The following OR5AC2 variants were observed in gnomAD, a reference collection of about 807,000 sequenced individuals.
OR5AC2 encodes the protein olfactory receptor family 5 subfamily AC member 2.
For synonymous variants in OR5AC2, 172 were observed against 136.3 expected, an observed-to-expected ratio of 1.26 and a Z score of -1.82; for missense variants, 448 against 375.3, an observed-to-expected ratio of 1.19 and a Z score of -1.60.
At position 98,087,794 on chromosome 3, in the gene OR5AC2, A is replaced by G; in HGVS notation, c.622A>G (p.Ile208Val). The change falls in exon 1 of 1, where the codon ATA becomes GTA. Residue 208 changes from isoleucine (I) to valine (V), a missense_variant. Coordinates refer to ENST00000358642, the MANE Select transcript of OR5AC2 (RefSeq NM_054106.1). ...AATGATATTTATTTTTGGTGCTTTT[A>G]TACAAATACCCACTTTAATGACTAT... Reference protein sequence around the residue: ...ALMIFIFGAFIQIPTLMTIII... With the variant: ...ALMIFIFGAFVQIPTLMTIII... 1 of 1,608,388 alleles carries G rather than the reference A, an allele frequency of 6.2e-7. No homozygotes were observed.
Position 98,087,461 on chromosome 3 carries a change from G to A in OR5AC2, c.289G>A (p.Ala97Thr), listed in dbSNP as rs76749982. 1.9e-6 allele frequency: 3 copies of A among 1,614,104 alleles called. No individual in the cohort carries two copies. The highest frequency in any genetic ancestry group is 1.7e-5 in the Admixed American group (1 of 60,018). Residue 97 changes from alanine (A) to threonine (T), a missense_variant, in exon 1 of 1, where the codon GCT (alanine) becomes ACT (threonine). Coordinates refer to ENST00000358642, the MANE Select transcript of OR5AC2 (RefSeq NM_054106.1). Reference protein sequence around the residue: ...FLDKTAMISLAECITQFYFFA... With the variant: ...FLDKTAMISLTECITQFYFFA... ...AGACAAGACTGCAATGATATCCCTA[G>A]CTGAGTGCATCACCCAGTTTTACTT...
rs200290395 is a variant in OR5AC2, at chr3:98,087,837, G to A, written c.665G>A (p.Arg222His). Residue 222 changes from arginine (R) to histidine (H), a missense_variant, in exon 1 of 1, where the codon CGT becomes CAT. By Grantham distance (29) the Arg-to-His change is conservative. Coordinates refer to ENST00000358642, the MANE Select transcript of OR5AC2 (RefSeq NM_054106.1). Reference sequence around the variant, plus strand: ...ATGACTATCATAATCTCTTATACTCGTGTGCTCTTTGATATTCTGAAAAAA... The same window carrying A: ...ATGACTATCATAATCTCTTATACTCATGTGCTCTTTGATATTCTGAAAAAA... ...TLMTIIISYT[R>H]VLFDILKKKS... 6 of 1,611,110 alleles carry A rather than the reference G, an allele frequency of 3.7e-6. No homozygotes were observed. The African/African-American group carries it at 4.0e-5, about 11-fold the overall frequency.
rs768231614 is a variant in OR5AC2 at position 98,087,632 on chromosome 3, G to T, written c.460G>T (p.Gly154Cys). ...GTTGCTAAGTATTTCATATGTAATTGGTTTCCTGCATCCTCTGGTTCATGT... is the reference window on the plus strand; with the variant it reads ...GTTGCTAAGTATTTCATATGTAATTTGTTTCCTGCATCCTCTGGTTCATGT... ...AQLLSISYVI[G>C]FLHPLVHVSL... is the part of the protein sequence containing the mutation. Residue 154 changes from glycine (G) to cysteine (C), a missense_variant, in exon 1 of 1, where the codon GGT becomes TGT. Transcript: ENST00000358642. 1 of 1,613,562 alleles carries T rather than the reference G, an allele frequency of 6.2e-7. No individual in the cohort carries two copies. Among genetic ancestry groups the T allele is most frequent in the African/African-American group, 1.3e-5 (1 of 74,992 alleles).
rs750676391 is a variant in OR5AC2, at chr3:98,087,526, G to A, written c.354G>A (p.Val118=). Residue 118 remains valine (V), a synonymous_variant, in exon 1 of 1, where the codon GTG becomes GTA. Coordinates refer to ENST00000358642, the MANE Select transcript of OR5AC2 (RefSeq NM_054106.1). ...SSATTECFLL[V]MMAYDRYVAI... Reference sequence around the variant, plus strand: ...CAACTACAGAATGCTTCCTCCTGGTGATGATGGCCTATGACCGCTATGTAG... The same window carrying A: ...CAACTACAGAATGCTTCCTCCTGGTAATGATGGCCTATGACCGCTATGTAG... 6.2e-7 allele frequency: 1 copy of A among 1,614,138 alleles called. No individual in the cohort carries two copies. The highest frequency in any genetic ancestry group is 8.5e-7 in the Non-Finnish European group (1 of 1,180,036).
rs772571623 is a variant in OR5AC2, at chr3:98,087,706, T to C, written c.534T>C (p.Tyr178=). Residue 178 remains tyrosine, a synonymous_variant, in exon 1 of 1, where the codon TAT becomes TAC. Coordinates refer to ENST00000358642, the MANE Select transcript of OR5AC2 (RefSeq NM_054106.1). ...LTFCRFNIIH[Y]FYCEILQLFK... ...TCTGCAGGTTTAACATAATACATTA[T>C]TTCTACTGTGAAATTTTACAACTGT... The C allele has an allele frequency of 6.2e-7, 1 of 1,612,834 alleles. No individual in the cohort carries two copies. Among genetic ancestry groups the C allele is most frequent in the Non-Finnish European group, 8.5e-7 (1 of 1,179,908 alleles).
Position 98,087,780 on chromosome 3 carries a change from T to C in OR5AC2, c.608T>C (p.Ile203Thr). Residue 203 changes from isoleucine to threonine, a missense_variant, in exon 1 of 1, where the codon ATT (isoleucine) becomes ACT (threonine). Ile to Thr is a moderately conservative substitution (Grantham distance 89). Coordinates refer to ENST00000358642, the MANE Select transcript of OR5AC2 (RefSeq NM_054106.1). ...GPSINALMIFIFGAFIQIPTL... is the reference protein window; with the variant it reads ...GPSINALMIFTFGAFIQIPTL... ...TCTATTAACGCACTAATGATATTTA[T>C]TTTTGGTGCTTTTATACAAATACCC... 6.2e-7 allele frequency: 1 copy of C among 1,606,822 alleles called. No homozygotes were observed. The highest frequency in any genetic ancestry group is 8.5e-7 in the Non-Finnish European group (1 of 1,174,570).
rs1707785477 is a variant in OR5AC2 at position 98,087,992 on chromosome 3, A to G, written c.820A>G (p.Lys274Glu). 3 of 1,614,114 alleles carry G rather than the reference A, an allele frequency of 1.9e-6. No homozygotes were observed. The highest frequency in any genetic ancestry group is 2.5e-6 in the Non-Finnish European group (3 of 1,179,946). Residue 274 changes from lysine to glutamate, a missense_variant, in exon 1 of 1, where the codon AAA (lysine) becomes GAA (glutamate). Lys to Glu is a moderately conservative substitution (Grantham distance 56, BLOSUM62 1). Transcript: ENST00000358642. ...PASGLAEDQD[K>E]VYSLFYTIII... is the part of the protein sequence containing the mutation. ...ATCTGGCTTAGCTGAAGACCAAGAC[A>G]AAGTGTATTCTCTGTTTTACACGAT...
Position 98,087,707 on chromosome 3 carries a change from T to C in OR5AC2, c.535T>C (p.Phe179Leu), listed in dbSNP as rs773858170. 2.2e-5 allele frequency: 35 copies of C among 1,612,784 alleles called. No homozygotes were observed. The highest frequency in any genetic ancestry group is 2.3e-5 in the Non-Finnish European group (27 of 1,179,878). ...CTGCAGGTTTAACATAATACATTAT[T>C]TCTACTGTGAAATTTTACAACTGTT... ...TFCRFNIIHY[F>L]YCEILQLFKI... Residue 179 changes from phenylalanine to leucine, a missense_variant, in exon 1 of 1, where the codon TTC becomes CTC. Physicochemically the swap from Phe to Leu is conservative, Grantham distance 22. Transcript: ENST00000358642.
In OR5AC2 at chr3:98,087,933, A is replaced by G. The variant is rs749511694; in HGVS notation, c.761A>G (p.Tyr254Cys). 4 of 1,614,148 alleles carry G rather than the reference A, an allele frequency of 2.5e-6. No individual in the cohort carries two copies. In the South Asian group the frequency reaches 4.4e-5, roughly 18 times the overall value. Residue 254 changes from tyrosine (Y) to cysteine (C), a missense_variant, in exon 1 of 1, where the codon TAC becomes TGC. Transcript: ENST00000358642. ...GAHLLSVSLYYGTLIFMYVRP... is the reference protein window; with the variant it reads ...GAHLLSVSLYCGTLIFMYVRP... ...CATCTGCTTTCTGTCTCATTGTACT[A>G]CGGAACTCTGATCTTCATGTATGTG...
At position 98,087,298 on chromosome 3, in the gene OR5AC2, G is replaced by T. The variant is rs201544209; in HGVS notation, c.126G>T (p.Val42=). The T allele has an allele frequency of 1.2e-6, 2 of 1,614,054 alleles. No individual in the cohort carries two copies. The highest frequency in any genetic ancestry group is 4.5e-5 in the East Asian group (2 of 44,876). ...TGGTGGTCTATCTCATCACCATGGT[G>T]GGCAACCTTGGACTGATAGTTCTAA... ...VFLVVYLITM[V]GNLGLIVLIW... is the part of the protein sequence containing the mutation. Residue 42 remains valine (V), a synonymous_variant, in exon 1 of 1, where the codon GTG becomes GTT. Transcript: ENST00000358642.
rs991841707 is a variant in OR5AC2 at position 98,087,729 on chromosome 3, T to C, written c.557T>C (p.Leu186Pro). The C allele has an allele frequency of 6.2e-7, 1 of 1,612,124 alleles. No individual in the cohort carries two copies. The highest frequency in any genetic ancestry group is 8.5e-7 in the Non-Finnish European group (1 of 1,179,038). ...TATTTCTACTGTGAAATTTTACAAC[T>C]GTTCAAAATTTCATGCAATGGTCCA... ...IHYFYCEILQ[L>P]FKISCNGPSI... Residue 186 changes from leucine to proline, a missense_variant, in exon 1 of 1, where the codon CTG becomes CCG. Leu to Pro is a moderately conservative substitution (Grantham distance 98, BLOSUM62 -3). Coordinates refer to ENST00000358642, the MANE Select transcript of OR5AC2 (RefSeq NM_054106.1).
rs1707769415 is a variant in OR5AC2, at chr3:98,087,202, T to C, written c.30T>C (p.Leu10=). 3.7e-6 allele frequency: 6 copies of C among 1,611,816 alleles called. No homozygotes were observed. Residue 10 remains leucine, a synonymous_variant, in exon 1 of 1, where the codon CTT becomes CTC. Coordinates refer to ENST00000358642, the MANE Select transcript of OR5AC2 (RefSeq NM_054106.1). Reference sequence around the variant, plus strand: ...ATATATCAGAGGGAAATAAGACTCTTGTGACAGAGTTTGTTCTCACAGGAC... The same window carrying C: ...ATATATCAGAGGGAAATAAGACTCTCGTGACAGAGTTTGTTCTCACAGGAC... MDISEGNKT[L]VTEFVLTGLT... is the part of the protein sequence containing the mutation.
Position 98,087,899 on chromosome 3 carries a change from T to C in OR5AC2, c.727T>C (p.Cys243Arg), listed in dbSNP as rs759336391. ...EKGRSKAFSTCGAHLLSVSLY... is the reference protein window; with the variant it reads ...EKGRSKAFSTRGAHLLSVSLY... ...GGGCAGAAGCAAAGCCTTCTCCACA[T>C]GCGGCGCCCATCTGCTTTCTGTCTC... The change falls in exon 1 of 1, where the codon TGC becomes CGC. Residue 243 changes from cysteine to arginine, a missense_variant. Coordinates refer to ENST00000358642, the MANE Select transcript of OR5AC2 (RefSeq NM_054106.1). The C allele has an allele frequency of 1.2e-6, 2 of 1,613,942 alleles. No homozygotes were observed. The highest frequency in any genetic ancestry group is 1.7e-6 in the Non-Finnish European group (2 of 1,179,860).
Position 98,088,056 on chromosome 3 carries a change from GA to G in OR5AC2, c.887del (p.Asn296IlefsTer8). 6.2e-7 allele frequency: 1 copy of G among 1,610,492 alleles called. No individual in the cohort carries two copies. Among genetic ancestry groups the G allele is most frequent in the East Asian group, 2.2e-5 (1 of 44,796 alleles). On this transcript the variant is annotated frameshift_variant, in exon 1 of 1. Coordinates refer to ENST00000358642, the MANE Select transcript of OR5AC2 (RefSeq NM_054106.1). LOFTEE classifies it low-confidence loss of function (END_TRUNC). ...PLLNPFIYSL[R>X]NKKVMHALRR... is the part of the protein sequence containing the mutation. ...CTAAACCCATTTATTTACAGCTTGA[GA>G]AATAAAAAAGTCATGCATGCATTGA... is the stretch of plus-strand genomic sequence containing the variant.
In OR5AC2 at chr3:98,087,976, A is replaced by G; in HGVS notation, c.804A>G (p.Leu268=). 6.2e-7 allele frequency: 1 copy of G among 1,614,164 alleles called. No individual in the cohort carries two copies. The highest frequency in any genetic ancestry group is 8.5e-7 in the Non-Finnish European group (1 of 1,180,006). ...TGTATGTGCGTCCTGCATCTGGCTT[A>G]GCTGAAGACCAAGACAAAGTGTATT... is the stretch of plus-strand genomic sequence containing the variant. The part of the protein sequence containing the change: ...IFMYVRPASG[L]AEDQDKVYSL... Residue 268 remains leucine (L), a synonymous_variant, in exon 1 of 1, where the codon TTA becomes TTG. Transcript: ENST00000358642.
rs761133507 is a variant in OR5AC2 at position 98,087,652 on chromosome 3, T to G, written c.480T>G (p.Val160=). The part of the protein sequence containing the change: ...SYVIGFLHPL[V]HVSLLLRLTF... ...TAATTGGTTTCCTGCATCCTCTGGT[T>G]CATGTGAGTTTACTATTGCGACTAA... Residue 160 remains valine, a synonymous_variant, in exon 1 of 1, where the codon GTT becomes GTG. Transcript: ENST00000358642. 2 of 1,613,644 alleles carry G rather than the reference T, an allele frequency of 1.2e-6. No individual in the cohort carries two copies. Among genetic ancestry groups the G allele is most frequent in the South Asian group, 2.2e-5 (2 of 91,084 alleles).
chr3:98,087,497 A>C lies in OR5AC2; in HGVS notation c.325A>C (p.Ser109Arg). ...CITQFYFFAS[S>R]ATTECFLLVM... Reference sequence around the variant, plus strand: ...CACCCAGTTTTACTTTTTTGCTTCCAGTGCAACTACAGAATGCTTCCTCCT... The same window carrying C: ...CACCCAGTTTTACTTTTTTGCTTCCCGTGCAACTACAGAATGCTTCCTCCT... The change falls in exon 1 of 1, where the codon AGT becomes CGT. Residue 109 changes from serine (S) to arginine (R), a missense_variant. Physicochemically the swap from Ser to Arg is moderately radical, Grantham distance 110. Coordinates refer to ENST00000358642, the MANE Select transcript of OR5AC2 (RefSeq NM_054106.1). 1 of 1,614,172 alleles carries C rather than the reference A, an allele frequency of 6.2e-7. No individual in the cohort carries two copies. Among genetic ancestry groups the C allele is most frequent in the Non-Finnish European group, 8.5e-7 (1 of 1,180,024 alleles).
rs1255196167 is a variant in OR5AC2, at chr3:98,087,674, C to G, written c.502C>G (p.Leu168Val). The change falls in exon 1 of 1, where the codon CTA (leucine) becomes GTA (valine). Residue 168 changes from leucine (L) to valine (V), a missense_variant. By Grantham distance (32) the Leu-to-Val change is conservative. Transcript: ENST00000358642. ...GGTTCATGTGAGTTTACTATTGCGA[C>G]TAACTTTCTGCAGGTTTAACATAAT... ...PLVHVSLLLR[L>V]TFCRFNIIHY... 1.2e-6 allele frequency: 2 copies of G among 1,612,976 alleles called. No individual in the cohort carries two copies. The highest frequency in any genetic ancestry group is 3.3e-5 in the Admixed American group (2 of 59,998).
rs369748819 is a variant in OR5AC2, at chr3:98,088,081, G to A, written c.909G>A (p.Leu303=). 4.0e-5 allele frequency: 64 copies of A among 1,604,236 alleles called. No individual in the cohort carries two copies. The highest frequency in any genetic ancestry group is 3.1e-4 in the African/African-American group (23 of 74,622). ...GAAATAAAAAAGTCATGCATGCATT[G>A]AGAAGAGTTATAAGGAAGTAAACAG... ...SLRNKKVMHA[L]RRVIRK The change falls in exon 1 of 1, where the codon TTG becomes TTA. Residue 303 remains leucine, a synonymous_variant. Coordinates refer to ENST00000358642, the MANE Select transcript of OR5AC2 (RefSeq NM_054106.1).
Sources: gnomAD v4.1 joint callset for allele counts on GRCh38, gnomAD v4.1.1 for gene constraint, MANE v1.5 for transcripts, NCBI Gene and HGNC (gene_info 2026-07-23, HGNC 2026-07-21) for gene names.